Variants in ADCY2 observed in about 807,000 individuals in gnomAD.
The protein encoded by ADCY2 is adenylate cyclase type 2.
A neutral mutation model predicts 125.2 loss-of-function variants in ADCY2; 31 were observed. The observed-to-expected ratio is 0.25, with a 90% CI of 0.19 to 0.33. The LOEUF (loss-of-function observed/expected upper bound fraction) is 0.33. Among genes scored for constraint, ADCY2 ranks in the 10% least tolerant of loss-of-function variants. ADCY2 has a pLI of 1.00. For synonymous variants in ADCY2, 512 were observed against 548.4 expected (o/e 0.93, Z 0.93); for missense variants, 904 against 1,418.2 (o/e 0.64, Z 5.82).
At position 7,516,352 on chromosome 5, in the gene ADCY2, A is replaced by T. The variant is rs77071979; in HGVS notation, c.409-4386A>T. 2.6e-5 allele frequency among the ~76,000 whole-genome samples: 4 copies of T among 152,324 alleles called. No homozygotes were observed. In the East Asian group the frequency reaches 7.7e-4, roughly 29 times the overall value. On this transcript the variant is annotated intron_variant, in intron 2 of 24. Coordinates refer to ENST00000338316, the MANE Select transcript of ADCY2 (RefSeq NM_020546.3). ...AAATATGACATCAGTAAGACATCCC[A>T]TGAGTGTGGGTGTGTGTTTCTGTAA...
At chr5:7,664,654 T>C (rs542818020) in intron 4 of ADCY2, among the ~76,000 whole-genome samples, 1 of 152,346 alleles carries the variant, frequency 6.6e-6, no homozygotes, top group East Asian at 1.9e-4. Flanking sequence ...TATATTTCCT[T>C]GCTATACCTT....
At chr5:7,414,984 T>C (rs558630252) in intron 2 of ADCY2, among the ~76,000 whole-genome samples, 1 of 72,646 alleles carries the variant, frequency 1.4e-5, no homozygotes, top group East Asian at 2.0e-4. Flanking sequence ...TATATCTGTA[T>C]GTATGTGTAT....
intron 22 of ADCY2, among the ~76,000 whole-genome samples, chr5:7,810,516 G>T (rs1400702378): frequency 6.6e-6 from 1 of 151,892 alleles, no homozygotes; most frequent in Admixed American, 6.6e-5. Context: ...CTGATTGATG[G>T]GTTATCTACC....
chr5:7,775,744 C>G (rs112947564), intron 18 of ADCY2, among the ~76,000 whole-genome samples: 4,093 of 152,282 alleles, frequency 0.027, 175 homozygotes, highest in African/African-American at 0.093. Flanking sequence ...TTGCCTTGTG[C>G]TATGAAATAG....
At chr5:7,517,140 C>T (rs897883800) in intron 2 of ADCY2, among the ~76,000 whole-genome samples, 2 of 152,102 alleles carry the variant, frequency 1.3e-5, no homozygotes, top group African/African-American at 4.8e-5. Flanking sequence ...TTGCAAAAGG[C>T]AAGTGCGGAG....
intron 4 of ADCY2, among the ~76,000 whole-genome samples, chr5:7,658,431 GTATATATATATA>G (rs1554029046): frequency 7.0e-6 from 1 of 142,916 alleles, no homozygotes; most frequent in Non-Finnish European, 1.5e-5. Context: ...GTGTGTGTGT[GTATATATATATA>G]TATTTGAGAT....
chr5:7,406,954 C>G (rs1739510253), intron 1 of ADCY2, among the ~76,000 whole-genome samples: 1 of 152,218 alleles, frequency 6.6e-6, no homozygotes, highest in Non-Finnish European at 1.5e-5. Context: ...GAAACACACT[C>G]TGAGTTTACT....
intron 4 of ADCY2, among the ~76,000 whole-genome samples, chr5:7,630,546 C>T (rs1188881677): frequency 6.6e-6 from 1 of 152,156 alleles, no homozygotes; most frequent in Non-Finnish European, 1.5e-5. Flanking sequence ...TAAAACAGAA[C>T]AGATTTTTTA....
At chr5:7,708,387 C>A (rs1345958513) in intron 9 of ADCY2, among the ~76,000 whole-genome samples, 1 of 152,148 alleles carries the variant, frequency 6.6e-6, no homozygotes, top group East Asian at 1.9e-4. Context: ...GATGATCCAC[C>A]CCATACAAAC....
chr5:7,489,258 G>A (rs1403771236), intron 2 of ADCY2, among the ~76,000 whole-genome samples: 1 of 152,136 alleles, frequency 6.6e-6, no homozygotes, highest in Non-Finnish European at 1.5e-5. Context: ...GGACAGCAGG[G>A]CCCCTAGCAC....
chr5:7,535,132 T>G (rs1160708146), intron 3 of ADCY2, among the ~76,000 whole-genome samples: 1 of 152,106 alleles, frequency 6.6e-6, no homozygotes, highest in African/African-American at 2.4e-5. Flanking sequence ...CCTCCGCCTC[T>G]CAGGTACAAG....
At chr5:7,486,891 C>T (rs1044747718) in intron 2 of ADCY2, among the ~76,000 whole-genome samples, 7 of 152,060 alleles carry the variant, frequency 4.6e-5, no homozygotes, top group African/African-American at 7.2e-5. Flanking sequence ...GTGGCATGTG[C>T]GTTGGAGGTC....
At chr5:7,607,592 A>G (rs1263601186) in intron 3 of ADCY2, among the ~76,000 whole-genome samples, 2 of 152,214 alleles carry the variant, frequency 1.3e-5, no homozygotes, top group African/African-American at 4.8e-5. Flanking sequence ...CGCCTTTCCA[A>G]TTGCTAACAA....
intron 3 of ADCY2, among the ~76,000 whole-genome samples, chr5:7,589,506 G>GAAAGAAAGAAAAGAAAAGAAAAGAAAAGA (rs530283052): frequency 1.1e-5 from 1 of 93,838 alleles, no homozygotes; most frequent in East Asian, 3.3e-4. Context: ...AAGAAAGAAA[G>GAAAGAAAGAAAAGAAAAGAAAAGAAAAGA]AAAGAAAAGA....
In ADCY2 at chr5:7,498,239, GTTTTTTTTTTTT is replaced by G. The variant is rs910360437; in HGVS notation, c.409-22483_409-22472del. 1.9e-4 allele frequency among the ~76,000 whole-genome samples: 12 copies of G among 62,114 alleles called. 1 individual carries two copies. Among genetic ancestry groups the G allele is most frequent in the Admixed American group, 1.5e-3 (8 of 5,262 alleles). The allele number at this position is 62,114 out of a possible 152,430, so 40.7% of individuals were successfully genotyped here. On this transcript the variant is annotated intron_variant, in intron 2 of 24. Transcript: ENST00000338316. ...TAAGTAAAACTCTTTTTCTTTTTTC[GTTTTTTTTTTTT>G]TTTTTTTTTTTTTTTAAGACAGAGT...
At chr5:7,695,361 T>C (rs1740854315) in intron 5 of ADCY2, among the ~76,000 whole-genome samples, 1 of 152,224 alleles carries the variant, frequency 6.6e-6, no homozygotes, top group African/African-American at 2.4e-5. Context: ...ATTTGTTCAA[T>C]ACATCCTCCC....
intron 4 of ADCY2, among the ~76,000 whole-genome samples, chr5:7,668,697 G>T (rs1739836634): frequency 6.6e-6 from 1 of 152,166 alleles, no homozygotes; most frequent in African/African-American, 2.4e-5. Flanking sequence ...AAAAGAGTAT[G>T]GCATTACTTG....
intron 22 of ADCY2, among the ~76,000 whole-genome samples, chr5:7,810,380 T>A (rs141213632): frequency 7.6e-4 from 115 of 150,884 alleles, no homozygotes; most frequent in African/African-American, 2.5e-3. Flanking sequence ...TTGGTGAGTT[T>A]TCTACCTGAT....
chr5:7,562,914 G>A (rs1735757160), intron 3 of ADCY2, among the ~76,000 whole-genome samples: 1 of 152,104 alleles, frequency 6.6e-6, no homozygotes, highest in Non-Finnish European at 1.5e-5. Context: ...TTCAGTTAAG[G>A]AAAATGGCAA....
Sources: gnomAD v4.1 joint callset for allele counts (sites outside exome capture counted in the v4.1 genomes callset) on GRCh38, gnomAD v4.1.1 for gene constraint, MANE v1.5 for transcripts, NCBI Gene and HGNC (gene_info 2026-07-23, HGNC 2026-07-21) for gene names.